The following EPM2A variants were observed in gnomAD, a reference collection of about 807,000 sequenced individuals.
The protein encoded by EPM2A is EPM2A glucan phosphatase, laforin.
In EPM2A, 21 loss-of-function variants were observed where a neutral mutation model predicts 26.5. The observed-to-expected ratio is 0.79, with a 90% CI of 0.56 to 1.14. The LOEUF is 1.14. Among genes scored for constraint, EPM2A ranks in the 50% most tolerant of loss-of-function variants. The pLI, the probability that EPM2A is intolerant of heterozygous loss-of-function variation, is 0.00. For missense variants in EPM2A, 458 were observed against 440.8 expected (o/e 1.04, Z -0.35); for synonymous variants, 217 against 177.6 (o/e 1.22, Z -1.76).
At chr6:145,507,641 T>C (rs1779995423) in intron 2 of EPM2A, among the ~76,000 whole-genome samples, 1 of 152,210 alleles carries the variant, frequency 6.6e-6, no homozygotes, top group Admixed American at 6.5e-5. Flanking sequence ...TTTTGCAACC[T>C]GGAAGCAGTA....
intron 1 of EPM2A, among the ~76,000 whole-genome samples, chr6:145,708,699 G>A (rs1782366811): frequency 6.6e-6 from 1 of 152,210 alleles, no homozygotes; most frequent in African/African-American, 2.4e-5. Flanking sequence ...CTCTGCTAGG[G>A]CAGTGCAGAA....
rs142846537 is a variant in EPM2A, at chr6:145,550,852, C to A, written c.341-48277G>T. Among the ~76,000 whole-genome samples, 407 of 151,994 alleles carry A rather than the reference C, an allele frequency of 2.7e-3. 6 individuals are homozygous for A. The highest frequency in any genetic ancestry group is 9.4e-3 in the African/African-American group (389 of 41,486). On this transcript the variant is annotated intron_variant, in intron 2 of 3. Transcript: ENST00000450221. ...ACATACAACATACAAAATATGTGTC[C>A]TTCCTTCCAGTAAGGAAGCCTTACT...
chr6:145,704,495 T>G (rs1228065400), intron 1 of EPM2A, among the ~76,000 whole-genome samples: 1 of 152,212 alleles, frequency 6.6e-6, no homozygotes, highest in Non-Finnish European at 1.5e-5. Context: ...TAAAATGTAT[T>G]GTTTCTCAAA....
chr6:145,706,261 C>T (rs994300542), intron 1 of EPM2A, among the ~76,000 whole-genome samples: 15 of 152,106 alleles, frequency 9.9e-5, no homozygotes, highest in African/African-American at 3.6e-4. Context: ...AAACTATAGC[C>T]AGGTAGGTGG....
chr6:145,720,070 C>G (rs928042395), intron 1 of EPM2A, among the ~76,000 whole-genome samples: 1 of 152,098 alleles, frequency 6.6e-6, no homozygotes, highest in Non-Finnish European at 1.5e-5. Context: ...GATTGATTCA[C>G]TAATGGATTC....
chr6:145,617,044 G>A (rs769322464), intron 2 of EPM2A, among the ~76,000 whole-genome samples: 34 of 152,080 alleles, frequency 2.2e-4, no homozygotes, highest in Non-Finnish European at 8.8e-5. Flanking sequence ...TGTGAGATTT[G>A]GGAGGGGTCA....
At chr6:145,697,278 A>C (rs1349657057) in intron 1 of EPM2A, among the ~76,000 whole-genome samples, 1 of 152,130 alleles carries the variant, frequency 6.6e-6, no homozygotes, top group Non-Finnish European at 1.5e-5. Context: ...AGTTTTTATT[A>C]GTGATTTTCA....
intron 4 of EPM2A, among the ~76,000 whole-genome samples, chr6:145,387,178 CAG>C (rs1778273957): frequency 6.6e-6 from 1 of 152,120 alleles, no homozygotes; most frequent in Non-Finnish European, 1.5e-5. Context: ...AGTTTTTCAA[CAG>C]AGATAGCTTT....
At chr6:145,436,408 G>T (rs776389333) in intron 4 of EPM2A, among the ~76,000 whole-genome samples, 3 of 152,010 alleles carry the variant, frequency 2.0e-5, no homozygotes, top group Non-Finnish European at 4.4e-5. Context: ...AACTTTTTGA[G>T]GAATAGCCAA....
At chr6:145,711,003 G>A (rs897818101) in intron 1 of EPM2A, among the ~76,000 whole-genome samples, 1 of 150,694 alleles carries the variant, frequency 6.6e-6, no homozygotes. Flanking sequence ...GATAGCATTA[G>A]GAGATATACC....
At chr6:145,473,465 G>C (rs1779502113) in intron 4 of EPM2A, among the ~76,000 whole-genome samples, 1 of 151,906 alleles carries the variant, frequency 6.6e-6, no homozygotes, top group African/African-American at 2.4e-5. Flanking sequence ...ATATAGAGGG[G>C]ACAGAGAAAA....
At chr6:145,612,250 A>G (rs1160847357) in intron 2 of EPM2A, among the ~76,000 whole-genome samples, 1 of 152,162 alleles carries the variant, frequency 6.6e-6, no homozygotes, top group African/African-American at 2.4e-5. Context: ...AAGAAATTAG[A>G]TTTTGCATTT....
intron 4 of EPM2A, among the ~76,000 whole-genome samples, chr6:145,410,057 G>A (rs1778623492): frequency 6.6e-6 from 1 of 152,146 alleles, no homozygotes; most frequent in Admixed American, 6.6e-5. Flanking sequence ...ATGGGAGAAG[G>A]GTATAGATGT....
At chr6:145,635,574 T>A in intron 2 of EPM2A, 88 bp from the exon 3 acceptor site, 1 of 1,279,702 alleles carries the variant, frequency 7.8e-7, no homozygotes, top group Non-Finnish European at 1.1e-6. Flanking sequence ...TATTAAAATA[T>A]AACTAACCTT....
At chr6:145,537,952 A>C (rs1780455606) in intron 2 of EPM2A, among the ~76,000 whole-genome samples, 2 of 152,250 alleles carry the variant, frequency 1.3e-5, no homozygotes, top group South Asian at 4.2e-4. Context: ...TTATGGCTGC[A>C]TAGTATTCCA....
At chr6:145,438,469 A>ATTT (rs68038397) in intron 4 of EPM2A, among the ~76,000 whole-genome samples, 27 of 117,222 alleles carry the variant, frequency 2.3e-4, no homozygotes, top group East Asian at 5.4e-4. Flanking sequence ...GAAGGGAATA[A>ATTT]TTTTTTTTTT....
intron 2 of EPM2A, among the ~76,000 whole-genome samples, chr6:145,598,512 G>A (rs1344071418): frequency 6.6e-6 from 1 of 152,086 alleles, no homozygotes. Flanking sequence ...TTAGACCTTT[G>A]TTAGATGCAT....
chr6:145,577,716 A>G (rs898044376), intron 2 of EPM2A, among the ~76,000 whole-genome samples: 1 of 152,138 alleles, frequency 6.6e-6, no homozygotes, highest in East Asian at 1.9e-4. Flanking sequence ...AGACATTTAC[A>G]GAGCATTTTA....
At chr6:145,710,447 C>T (rs953853769) in intron 1 of EPM2A, among the ~76,000 whole-genome samples, 5 of 152,092 alleles carry the variant, frequency 3.3e-5, no homozygotes, top group Non-Finnish European at 5.9e-5. Context: ...GTTACAATGG[C>T]GATCATTAAA....
Sources: gnomAD v4.1 joint callset for allele counts (sites outside exome capture counted in the v4.1 genomes callset) on GRCh38, gnomAD v4.1.1 for gene constraint, MANE v1.5 for transcripts, NCBI Gene and HGNC (gene_info 2026-07-23, HGNC 2026-07-21) for gene names.